TRIQK: variants seen among roughly 807,000 people sequenced by gnomAD.
TRIQK encodes the protein triple QxxK/R motif containing, also known as triple QxxK/R motif-containing protein.
In TRIQK, 10 loss-of-function variants were observed where a neutral mutation model predicts 10.8. That is an observed-to-expected ratio of 0.92 (90% confidence interval 0.57 to 1.57). TRIQK has a LOEUF of 1.57. TRIQK is among the 40% of genes most tolerant of loss of function. The probability of loss-of-function intolerance (pLI) is 0.00; values close to 1 mark genes in which losing one functional copy is unlikely to be tolerated. For missense variants in TRIQK, 107 were observed against 97.7 expected, an observed-to-expected ratio of 1.09 and a Z score of -0.40; for synonymous variants, 33 against 33.7, an observed-to-expected ratio of 0.98 and a Z score of 0.07.
chr8:92,957,502 T>C (rs535448861), intron 1 of TRIQK, among the ~76,000 whole-genome samples: 2 of 152,010 alleles, frequency 1.3e-5, no homozygotes, highest in South Asian at 2.1e-4. Context: ...AAAGGGGATA[T>C]GTTTTCAGTT....
At chr8:92,914,679 C>T (rs1164126631) in intron 3 of TRIQK, among the ~76,000 whole-genome samples, 1 of 151,928 alleles carries the variant, frequency 6.6e-6, no homozygotes, top group Admixed American at 6.6e-5. Context: ...AGTGCTAATC[C>T]AACCACAATA....
intron 2 of TRIQK, among the ~76,000 whole-genome samples, chr8:92,932,119 TTTC>T (rs1240722081): frequency 2.0e-5 from 3 of 152,074 alleles, no homozygotes; most frequent in Non-Finnish European, 4.4e-5. Context: ...TACATTTCAA[TTTC>T]TTCTTTACCT....
upstream of TRIQK, among the ~76,000 whole-genome samples, chr8:92,971,062 C>G (rs757842934): frequency 6.6e-6 from 1 of 152,028 alleles, no homozygotes; most frequent in Admixed American, 6.6e-5. Context: ...AATCCTTTCC[C>G]CATTGCTTGT....
intron 1 of TRIQK, among the ~76,000 whole-genome samples, chr8:92,980,918 TATTA>T (rs1485093252): frequency 6.6e-6 from 1 of 151,400 alleles, no homozygotes; most frequent in Non-Finnish European, 1.5e-5. Context: ...ATTTCATTTT[TATTA>T]ATTTATTTCT....
intron 1 of TRIQK, among the ~76,000 whole-genome samples, chr8:92,988,884 T>C (rs370517561): frequency 5.3e-5 from 8 of 152,132 alleles, no homozygotes; most frequent in East Asian, 3.9e-4. Context: ...GTTCACCCCT[T>C]CCTTCCTTTT....
At chr8:92,934,964 G>A (rs2130573606) in intron 2 of TRIQK, among the ~76,000 whole-genome samples, 1 of 151,916 alleles carries the variant, frequency 6.6e-6, no homozygotes, top group South Asian at 2.1e-4. Flanking sequence ...AAAAGCATAA[G>A]TAGATTTCCT....
chr8:92,930,718 A>G (rs756242603), intron 2 of TRIQK, among the ~76,000 whole-genome samples: 3 of 152,122 alleles, frequency 2.0e-5, no homozygotes, highest in Non-Finnish European at 2.9e-5. Flanking sequence ...CTGATGAGAC[A>G]AAGAGTAATT....
At chr8:93,003,091 A>C (rs1183600633) in intron 1 of TRIQK, among the ~76,000 whole-genome samples, 1 of 152,094 alleles carries the variant, frequency 6.6e-6, no homozygotes, top group Non-Finnish European at 1.5e-5. Flanking sequence ...AATACTAGCA[A>C]ACTGAGTTTC....
At chr8:92,936,766 T>C (rs1811008992) in intron 2 of TRIQK, among the ~76,000 whole-genome samples, 1 of 151,622 alleles carries the variant, frequency 6.6e-6, no homozygotes. Context: ...CAGACAAATA[T>C]TTGAATCTGT....
rs575619103 is a variant in TRIQK at position 92,949,843 on chromosome 8, G to A, written c.-22+4563C>T. ...GAAAGAAAGAAAGAAAGAAAGAAAGGGAGAGAAAAGAAAAGAGAAAGGAAG... is the reference window on the plus strand; with the variant it reads ...GAAAGAAAGAAAGAAAGAAAGAAAGAGAGAGAAAAGAAAAGAGAAAGGAAG... On this transcript the variant is annotated intron_variant, in intron 2 of 4. Transcript: ENST00000521988. Among the ~76,000 whole-genome samples the A allele has an allele frequency of 1.9e-4, 15 of 79,072 alleles. No individual in the cohort carries two copies. In the East Asian group the frequency reaches 4.7e-3, roughly 25 times the overall value. 51.9% of individuals were successfully genotyped at this position (79,072 alleles called of 152,430 possible). A position where few individuals can be genotyped will look rare whatever the true frequency, so the allele number is the denominator to read the frequency against.
At chr8:92,964,253 T>C (rs1452554908) in intron 1 of TRIQK, among the ~76,000 whole-genome samples, 1 of 152,050 alleles carries the variant, frequency 6.6e-6, no homozygotes, top group African/African-American at 2.4e-5. Flanking sequence ...AGTCTCTCTG[T>C]AGGATGAGGC....
In TRIQK at chr8:92,928,498, T is replaced by A. The variant is rs1410871871; in HGVS notation, c.-21-11488A>T. Among the ~76,000 whole-genome samples the A allele has an allele frequency of 3.9e-5, 6 of 152,292 alleles. No individual in the cohort carries two copies. In the East Asian group the frequency reaches 1.2e-3, roughly 29 times the overall value. ...CTGGGATACTCATGAAAATGCATATTCCTGGGCCCCATCACAGTCCTACTC... is the reference window on the plus strand; with the variant it reads ...CTGGGATACTCATGAAAATGCATATACCTGGGCCCCATCACAGTCCTACTC... On this transcript the variant is annotated intron_variant, in intron 2 of 4. Coordinates refer to ENST00000521988, the MANE Select transcript of TRIQK (RefSeq NM_001171797.2).
At chr8:92,923,060 T>C (rs1402824934) in intron 2 of TRIQK, among the ~76,000 whole-genome samples, 1 of 151,860 alleles carries the variant, frequency 6.6e-6, no homozygotes, top group Non-Finnish European at 1.5e-5. Flanking sequence ...GAAAGCATTT[T>C]GCCTTACTAA....
chr8:92,923,715 T>A (rs1196246320), intron 2 of TRIQK, among the ~76,000 whole-genome samples: 1 of 151,930 alleles, frequency 6.6e-6, no homozygotes, highest in African/African-American at 2.4e-5. Flanking sequence ...TTAGGACTTT[T>A]AAGATTAAAC....
chr8:92,941,511 C>T (rs1308805006), intron 2 of TRIQK, among the ~76,000 whole-genome samples: 1 of 151,942 alleles, frequency 6.6e-6, no homozygotes, highest in Non-Finnish European at 1.5e-5. Context: ...AAATAAACAA[C>T]ATAACATTGC....
intron 1 of TRIQK, among the ~76,000 whole-genome samples, chr8:92,988,068 G>C (rs1312120382): frequency 7.1e-6 from 1 of 141,738 alleles, no homozygotes; most frequent in Non-Finnish European, 1.5e-5. Flanking sequence ...GTGCAGTGGC[G>C]CGATCTCGGC....
At chr8:92,982,661 G>A (rs1812998471) in intron 1 of TRIQK, among the ~76,000 whole-genome samples, 1 of 151,900 alleles carries the variant, frequency 6.6e-6, no homozygotes, top group Non-Finnish European at 1.5e-5. Flanking sequence ...AGAATACGTT[G>A]GTCTTTTAAG....
intron 1 of TRIQK, among the ~76,000 whole-genome samples, chr8:92,979,296 C>A (rs1298737900): frequency 6.6e-6 from 1 of 152,096 alleles, no homozygotes; most frequent in African/African-American, 2.4e-5. Flanking sequence ...TATAGAAGAT[C>A]TGTAGGATGA....
At chr8:92,938,476 G>A (rs1363847659) in intron 2 of TRIQK, among the ~76,000 whole-genome samples, 2 of 152,028 alleles carry the variant, frequency 1.3e-5, no homozygotes, top group Non-Finnish European at 2.9e-5. Flanking sequence ...TTTGGTGTCT[G>A]TGTGTCTACT....
Sources: allele counts gnomAD v4.1 joint callset (sites outside exome capture counted in the v4.1 genomes callset), GRCh38; gene constraint gnomAD v4.1.1; transcripts MANE v1.5; gene names NCBI Gene and HGNC (gene_info 2026-07-23, HGNC 2026-07-21).